The following KAZN variants were observed in gnomAD, a reference collection of about 807,000 sequenced individuals.
The protein encoded by KAZN is kazrin.
Under a neutral mutation model 87.4 loss-of-function variants are expected in KAZN, and 40 were observed. The ratio of observed to expected loss-of-function variants is 0.46; its 90% CI spans 0.36 to 0.60. The LOEUF (loss-of-function observed/expected upper bound fraction) is 0.60, where lower values mean the gene tolerates loss of function less well. KAZN is among the 20% of genes least tolerant of loss of function. The pLI, the probability that KAZN is intolerant of heterozygous loss-of-function variation, is 0.00. For missense variants in KAZN, 898 were observed against 1,073.9 expected (o/e 0.84, Z 2.29); for synonymous variants, 466 against 458.3 (o/e 1.02, Z -0.22).
chr1:14,009,970 T>A lies in KAZN; in HGVS notation c.91+116214T>A, dbSNP rs556619802. Among the ~76,000 whole-genome samples the A allele has an allele frequency of 7.9e-5, 12 of 152,264 alleles. 1 individual carries two copies. The highest frequency in any genetic ancestry group is 2.6e-4 in the African/African-American group (11 of 41,556). On this transcript the variant is annotated intron_variant, in intron 1 of 16. Coordinates refer to the KAZN transcript ENST00000636203. Reference sequence around the variant, plus strand: ...TGGCCAGAAACACACTCTCTCCCACTCCCCTGTTTACTTTTGGCAGAAGAT... The same window carrying A: ...TGGCCAGAAACACACTCTCTCCCACACCCCTGTTTACTTTTGGCAGAAGAT...
intron 1 of KAZN, among the ~76,000 whole-genome samples, chr1:13,895,550 G>A (rs1164314943): frequency 2.6e-5 from 4 of 152,048 alleles, no homozygotes; most frequent in African/African-American, 4.8e-5. Context: ...CTGAAGAAAC[G>A]CAAAGAGGAA....
At chr1:14,406,430 T>C (rs1259537037) in intron 2 of KAZN, among the ~76,000 whole-genome samples, 2 of 152,062 alleles carry the variant, frequency 1.3e-5, no homozygotes. Flanking sequence ...CTAAGTGAAG[T>C]AACCCAGGAA....
Position 14,960,667 on chromosome 1 carries a change from G to A in KAZN, c.227-17G>A. The A allele has an allele frequency of 6.4e-7, 1 of 1,556,020 alleles. No individual in the cohort carries two copies. Among genetic ancestry groups the A allele is most frequent in the Non-Finnish European group, 8.7e-7 (1 of 1,149,106 alleles). On this transcript the variant is annotated splice_polypyrimidine_tract_variant and intron_variant, in intron 1 of 14. Transcript: ENST00000376030. Reference sequence around the variant, plus strand: ...AGAGACGTTCCTGTCCTCTAACCCTGTGCCCTTCTCCCCTAGTGCTCCTGC... The same window carrying A: ...AGAGACGTTCCTGTCCTCTAACCCTATGCCCTTCTCCCCTAGTGCTCCTGC...
At chr1:13,969,817 C>T (rs894256279) in intron 1 of KAZN, among the ~76,000 whole-genome samples, 5 of 152,252 alleles carry the variant, frequency 3.3e-5, no homozygotes, top group Admixed American at 6.5e-5. Flanking sequence ...CAGGTAGGCT[C>T]CATGTGTGAT....
chr1:15,084,691 T>G (rs1640168574), intron 8 of KAZN, among the ~76,000 whole-genome samples: 1 of 152,320 alleles, frequency 6.6e-6, no homozygotes, highest in Middle Eastern at 3.4e-3. Context: ...GGGCATGAAG[T>G]GGCCCCTGGA....
chr1:13,971,926 G>A (rs1029471375), intron 1 of KAZN, among the ~76,000 whole-genome samples: 2 of 152,098 alleles, frequency 1.3e-5, no homozygotes, highest in African/African-American at 4.8e-5. Context: ...ATAATTGTAA[G>A]TTCCCTGAGG....
intron 2 of KAZN, among the ~76,000 whole-genome samples, chr1:14,562,252 G>A (rs1674304248): frequency 6.6e-6 from 1 of 152,216 alleles, no homozygotes; most frequent in South Asian, 2.1e-4. Context: ...GGGAGTCAAA[G>A]CATCTGAGAC....
At chr1:14,785,941 G>C (rs993569079) in intron 1 of KAZN, among the ~76,000 whole-genome samples, 1 of 152,156 alleles carries the variant, frequency 6.6e-6, no homozygotes, top group African/African-American at 2.4e-5. Flanking sequence ...TAGTGTCTGT[G>C]AGACAAGTTA....
At chr1:14,984,427 G>C (rs1158731528) in intron 2 of KAZN, among the ~76,000 whole-genome samples, 1 of 152,122 alleles carries the variant, frequency 6.6e-6, no homozygotes, top group Non-Finnish European at 1.5e-5. Flanking sequence ...AATATATACT[G>C]TTAGGTACCA....
At position 15,030,416 on chromosome 1, in the gene KAZN, C is replaced by T. The variant is rs185087447; in HGVS notation, c.419-4333C>T. The stretch of plus-strand genomic sequence containing the variant: ...TGGAGTAGCTGAGACTACAGGCACA[C>T]GCCACCACGCCCGGCTAATTTTTGT... On this transcript the variant is annotated intron_variant, in intron 2 of 14. Coordinates refer to ENST00000376030, the MANE Select transcript of KAZN (RefSeq NM_201628.3). 5.5e-3 allele frequency among the ~76,000 whole-genome samples: 830 copies of T among 152,224 alleles called. 3 individuals carry two copies. The highest frequency in any genetic ancestry group is 6.0e-3 in the African/African-American group (251 of 41,550).
chr1:14,618,983 G>C (rs1374591812), intron 1 of KAZN, among the ~76,000 whole-genome samples: 2 of 152,154 alleles, frequency 1.3e-5, no homozygotes, highest in Non-Finnish European at 2.9e-5. Flanking sequence ...GCAGGATACA[G>C]ACACGGCAGG....
intron 1 of KAZN, among the ~76,000 whole-genome samples, chr1:13,968,319 G>C (rs918627904): frequency 2.0e-5 from 3 of 152,148 alleles, no homozygotes; most frequent in Non-Finnish European, 4.4e-5. Flanking sequence ...TCACTTTCCT[G>C]ATGTGGGGGA....
intron 1 of KAZN, among the ~76,000 whole-genome samples, chr1:14,015,861 C>G (rs1640547551): frequency 6.6e-6 from 1 of 151,910 alleles, no homozygotes; most frequent in South Asian, 2.1e-4. Flanking sequence ...CGAGCCTCAA[C>G]AGCTGCTAAG....
intron 1 of KAZN, among the ~76,000 whole-genome samples, chr1:13,923,588 A>AAAAAAAAAAAAG (rs1553174046): frequency 7.1e-6 from 1 of 139,884 alleles, no homozygotes; most frequent in African/African-American, 2.8e-5. Context: ...AAAAAAAAAA[A>AAAAAAAAAAAAG]AAAATATAAT....
Position 14,679,855 on chromosome 1 carries a change from C to T in KAZN, c.226+80632C>T, listed in dbSNP as rs143793260. 7.7e-3 allele frequency among the ~76,000 whole-genome samples: 1,165 copies of T among 152,180 alleles called. 10 individuals are homozygous for T. The highest frequency in any genetic ancestry group is 0.031 in the Middle Eastern group (9 of 294). On this transcript the variant is annotated intron_variant, in intron 1 of 14. Coordinates refer to ENST00000376030, the MANE Select transcript of KAZN (RefSeq NM_201628.3). ...GCGCCTCAGAATCTCATTCCTGTCTCGGTCTTGTCTTGTTGAGCATAATAA... is the reference window on the plus strand; with the variant it reads ...GCGCCTCAGAATCTCATTCCTGTCTTGGTCTTGTCTTGTTGAGCATAATAA...
At chr1:14,165,501 T>G (rs1224316005) in intron 1 of KAZN, among the ~76,000 whole-genome samples, 1 of 152,218 alleles carries the variant, frequency 6.6e-6, no homozygotes, top group Non-Finnish European at 1.5e-5. Flanking sequence ...TAATTCTCAT[T>G]TGCATGCAGA....
At chr1:14,400,745 A>C (rs1282570699) in intron 2 of KAZN, among the ~76,000 whole-genome samples, 1 of 152,200 alleles carries the variant, frequency 6.6e-6, no homozygotes, top group African/African-American at 2.4e-5. Flanking sequence ...CCCCTGCTGC[A>C]TTGCCCATCA....
rs571613784 is a variant in KAZN at position 15,058,759 on chromosome 1, G to A, written c.917-1413G>A. Among the ~76,000 whole-genome samples the A allele has an allele frequency of 4.6e-5, 7 of 152,280 alleles. No homozygotes were observed. The South Asian group carries it at 6.2e-4, about 14-fold the overall frequency. On this transcript the variant is annotated intron_variant, in intron 5 of 14. Coordinates refer to ENST00000376030, the MANE Select transcript of KAZN (RefSeq NM_201628.3). ...AAGCAGGCCAGATGCAGTGGCTCAC[G>A]CCTGTAAGCCCAGCACTTTGGGAGG...
intron 1 of KAZN, among the ~76,000 whole-genome samples, chr1:14,782,969 A>C (rs1333430097): frequency 6.6e-6 from 1 of 152,106 alleles, no homozygotes; most frequent in Non-Finnish European, 1.5e-5. Context: ...CAGCAGATAG[A>C]GGCAATACCA....
Sources: allele counts gnomAD v4.1 joint callset (sites outside exome capture counted in the v4.1 genomes callset), GRCh38; gene constraint gnomAD v4.1.1; transcripts MANE v1.5; gene names NCBI Gene and HGNC (gene_info 2026-07-23, HGNC 2026-07-21).